Variants in CSGALNACT1 observed in about 807,000 individuals in gnomAD.
CSGALNACT1 encodes chondroitin sulfate N-acetylgalactosaminyltransferase 1.
In CSGALNACT1, 52 loss-of-function variants were observed where a neutral mutation model predicts 51.0. The observed-to-expected ratio is 1.02, with a 90% CI of 0.82 to 1.29. The LOEUF (loss-of-function observed/expected upper bound fraction) is 1.29. CSGALNACT1 is among the 50% of genes most tolerant of loss of function. The probability of loss-of-function intolerance (pLI) is 0.00; values close to 1 mark genes in which losing one functional copy is unlikely to be tolerated. For missense variants in CSGALNACT1, 935 were observed against 679.2 expected, an observed-to-expected ratio of 1.38 and a Z score of -4.19; for synonymous variants, 341 against 254.4, an observed-to-expected ratio of 1.34 and a Z score of -3.24.
intron 6 of CSGALNACT1, among the ~76,000 whole-genome samples, chr8:19,427,570 C>T (rs897034090): frequency 3.3e-5 from 5 of 151,958 alleles, no homozygotes; most frequent in East Asian, 1.9e-4. Flanking sequence ...GGGCGGATCA[C>T]GAGGTCAGGA....
At chr8:19,435,737 C>G (rs528905554) in intron 6 of CSGALNACT1, among the ~76,000 whole-genome samples, 1 of 152,160 alleles carries the variant, frequency 6.6e-6, no homozygotes, top group Admixed American at 6.5e-5. Flanking sequence ...GTGAGCTCAT[C>G]TGAGATTAAC....
At chr8:19,482,021 C>T (rs1447591563) in intron 4 of CSGALNACT1, among the ~76,000 whole-genome samples, 1 of 152,116 alleles carries the variant, frequency 6.6e-6, no homozygotes, top group African/African-American at 2.4e-5. Context: ...GATGCTTTCA[C>T]GTTATCAGCT....
At chr8:19,474,261 T>C (rs2068876485) in intron 4 of CSGALNACT1, among the ~76,000 whole-genome samples, 1 of 152,154 alleles carries the variant, frequency 6.6e-6, no homozygotes, top group Non-Finnish European at 1.5e-5. Context: ...AAACAATCTA[T>C]GTGAAAAGCA....
At chr8:19,654,676 C>G (rs2058103268) in intron 1 of CSGALNACT1, among the ~76,000 whole-genome samples, 2 of 152,094 alleles carry the variant, frequency 1.3e-5, no homozygotes, top group African/African-American at 4.8e-5. Context: ...TCCCAAGTAG[C>G]TGGGACTACA....
In CSGALNACT1 at chr8:19,474,667, G is replaced by C. The variant is rs535966734; in HGVS notation, c.635-16025C>G. Among the ~76,000 whole-genome samples the C allele has an allele frequency of 2.4e-4, 36 of 151,976 alleles. No homozygotes were observed. The South Asian group carries it at 4.4e-3, about 18-fold the overall frequency. On this transcript the variant is annotated intron_variant, in intron 4 of 9. Transcript: ENST00000454498. Reference sequence around the variant, plus strand: ...GTGGATCAATTGAGGTCGGGAGTTCGAGACCAGCCTAACCAACATGGCAAA... The same window carrying C: ...GTGGATCAATTGAGGTCGGGAGTTCCAGACCAGCCTAACCAACATGGCAAA...
chr8:19,490,478 T>C (rs2074119193), intron 4 of CSGALNACT1, among the ~76,000 whole-genome samples: 1 of 152,168 alleles, frequency 6.6e-6, no homozygotes. Context: ...AAAGAAAGCA[T>C]CATAAGATGC....
Position 19,421,412 on chromosome 8 carries a change from T to C in CSGALNACT1, c.954-894A>G, listed in dbSNP as rs192660753. Among the ~76,000 whole-genome samples the C allele has an allele frequency of 1.1e-3, 171 of 152,338 alleles. 3 individuals are homozygous for C. The highest frequency in any genetic ancestry group is 3.9e-3 in the African/African-American group (161 of 41,572). On this transcript the variant is annotated intron_variant, in intron 6 of 9. Transcript: ENST00000454498. ...GCTAACGTTCCACGAATTCATTCCATGCCCAGTGGGACAGGTATTGTCTTC... is the reference window on the plus strand; with the variant it reads ...GCTAACGTTCCACGAATTCATTCCACGCCCAGTGGGACAGGTATTGTCTTC...
At chr8:19,520,120 C>A (rs1191204516) in intron 3 of CSGALNACT1, among the ~76,000 whole-genome samples, 1 of 152,210 alleles carries the variant, frequency 6.6e-6, no homozygotes, top group Admixed American at 6.5e-5. Context: ...TCTTCCTTCC[C>A]CACCTACAAA....
intron 1 of CSGALNACT1, among the ~76,000 whole-genome samples, chr8:19,717,325 G>A (rs149788870): frequency 6.6e-6 from 1 of 152,216 alleles, no homozygotes; most frequent in Non-Finnish European, 1.5e-5. Flanking sequence ...CACTGACATA[G>A]CCTATGTAGC....
chr8:19,725,404 C>A (rs901884904), intron 1 of CSGALNACT1, among the ~76,000 whole-genome samples: 7 of 148,262 alleles, frequency 4.7e-5, no homozygotes, highest in African/African-American at 1.7e-4. Context: ...AAGACTTCAC[C>A]TTTTTTCTTT....
intron 3 of CSGALNACT1, among the ~76,000 whole-genome samples, chr8:19,564,606 G>A (rs1483002452): frequency 6.6e-6 from 1 of 152,028 alleles, no homozygotes; most frequent in Admixed American, 6.5e-5. Context: ...GGCCCTATAT[G>A]CTTATGCAAC....
At chr8:19,545,217 T>A (rs558957585) in intron 3 of CSGALNACT1, among the ~76,000 whole-genome samples, 10 of 152,286 alleles carry the variant, frequency 6.6e-5, no homozygotes, top group Admixed American at 6.5e-4. Flanking sequence ...AGCAGTTAGG[T>A]GGCTGCCATA....
At chr8:19,635,980 T>C (rs1315308342) in intron 1 of CSGALNACT1, among the ~76,000 whole-genome samples, 3 of 152,212 alleles carry the variant, frequency 2.0e-5, no homozygotes, top group African/African-American at 7.2e-5. Flanking sequence ...TCCACCTGCC[T>C]TGATCTTCCA....
At chr8:19,637,896 A>G (rs2056286512) in intron 1 of CSGALNACT1, among the ~76,000 whole-genome samples, 1 of 147,942 alleles carries the variant, frequency 6.8e-6, no homozygotes, top group Non-Finnish European at 1.5e-5. Flanking sequence ...CGCTGATATT[A>G]GTTGAGGTTA....
chr8:19,650,444 T>C lies in CSGALNACT1; in HGVS notation c.-544+32029A>G, dbSNP rs891973602. 2.6e-5 allele frequency among the ~76,000 whole-genome samples: 4 copies of C among 152,346 alleles called. No homozygotes were observed. The East Asian group carries it at 5.8e-4, about 22-fold the overall frequency. ...CTAGTTTCAAGAATGAGAGAACACCTAGTAATTAGTACATTATTTTATGCA... is the reference window on the plus strand; with the variant it reads ...CTAGTTTCAAGAATGAGAGAACACCCAGTAATTAGTACATTATTTTATGCA... On this transcript the variant is annotated intron_variant, in intron 1 of 9. Coordinates refer to the CSGALNACT1 transcript ENST00000332246.
chr8:19,545,711 C>A (rs891844600), intron 3 of CSGALNACT1, among the ~76,000 whole-genome samples: 4 of 151,592 alleles, frequency 2.6e-5, no homozygotes, highest in African/African-American at 9.7e-5. Context: ...CTTTTCCTCC[C>A]AAGTCTCCAG....
Position 19,578,091 on chromosome 8 carries a change from C to T in CSGALNACT1, c.-297+13069G>A, listed in dbSNP as rs370979403. On this transcript the variant is annotated intron_variant, in intron 3 of 9. Coordinates refer to ENST00000454498, the Ensembl canonical transcript of CSGALNACT1. ...GAACATGTTCCAGATCAGCTGCAACCTTCGTGGTCCAGGCGCAGGTGGCAC... is the reference window on the plus strand; with the variant it reads ...GAACATGTTCCAGATCAGCTGCAACTTTCGTGGTCCAGGCGCAGGTGGCAC... Among the ~76,000 whole-genome samples the T allele has an allele frequency of 2.0e-4, 30 of 152,334 alleles. No homozygotes were observed. The South Asian group carries it at 4.6e-3, about 23-fold the overall frequency.
At chr8:19,696,174 A>T (rs2061573391) in intron 1 of CSGALNACT1, among the ~76,000 whole-genome samples, 1 of 152,236 alleles carries the variant, frequency 6.6e-6, no homozygotes. Flanking sequence ...GACATCCAGC[A>T]GTCTAGGTTA....
chr8:19,585,944 G>T (rs1429425951), intron 3 of CSGALNACT1, among the ~76,000 whole-genome samples: 4 of 152,200 alleles, frequency 2.6e-5, no homozygotes, highest in Non-Finnish European at 5.9e-5. Flanking sequence ...CTGTGCCGAT[G>T]CCCAGGCTGG....
Sources: allele counts gnomAD v4.1 joint callset (sites outside exome capture counted in the v4.1 genomes callset), GRCh38; gene constraint gnomAD v4.1.1; transcripts MANE v1.5; gene names NCBI Gene and HGNC (gene_info 2026-07-23, HGNC 2026-07-21).